Variants in ZNF431 observed in about 807,000 individuals in gnomAD.
ZNF431 encodes the protein zinc finger protein 431.
In ZNF431, 34 loss-of-function variants were observed where a neutral mutation model predicts 57.0. The observed-to-expected ratio is 0.60, with a 90% CI of 0.45 to 0.79. ZNF431 has a LOEUF of 0.79. ZNF431 is among the 30% of genes least tolerant of loss of function. The pLI is 0.00. For missense variants in ZNF431, 607 were observed against 667.1 expected (o/e 0.91, Z 0.99); for synonymous variants, 207 against 220.3 (o/e 0.94, Z 0.54).
chr19:21,142,134 G>A lies in ZNF431; in HGVS notation c.-50G>A, dbSNP rs1969955957. On this transcript the variant is annotated 5_prime_UTR_variant, in exon 1 of 5. Transcript: ENST00000311048. ...ACATCTGTGGCCCTGTGACCTGCAG[G>A]TATTGGGAGACCCACAGCTAAGACA... 1 of 1,611,070 alleles carries A rather than the reference G, an allele frequency of 6.2e-7. No homozygotes were observed. The highest frequency in any genetic ancestry group is 1.1e-5 in the South Asian group (1 of 90,864).
chr19:21,195,741 A>G lies in ZNF431; in HGVS notation c.*11707A>G, dbSNP rs971049181. ...AAAACCTGTGGCAGCTCATGGTATT[A>G]TTGACCATATGTTCTAGTGTCTTCT... On this transcript the variant is annotated 3_prime_UTR_variant, in exon 5 of 5. Transcript: ENST00000311048. 1 of 152,160 alleles carries G rather than the reference A, an allele frequency of 6.6e-6. No homozygotes were observed. Among genetic ancestry groups the G allele is most frequent in the Non-Finnish European group, 1.5e-5 (1 of 68,024 alleles). The allele number at this position is 152,160 out of a possible 1,614,324, so 9.4% of individuals were successfully genotyped here.
chr19:21,176,097 G>A (rs1191202806), intron 4 of ZNF431, among the ~76,000 whole-genome samples: 1 of 152,060 alleles, frequency 6.6e-6, no homozygotes, highest in Non-Finnish European at 1.5e-5. Context: ...GTTATTTCTT[G>A]ATTTTTTAAT....
Position 21,178,056 on chromosome 19 carries a change from T to C in ZNF431, c.320-4567T>C, listed in dbSNP as rs377635311. Among the ~76,000 whole-genome samples the C allele has an allele frequency of 3.3e-5, 5 of 152,302 alleles. No individual in the cohort carries two copies. The East Asian group carries it at 7.7e-4, about 24-fold the overall frequency. On this transcript the variant is annotated intron_variant, in intron 4 of 4. Transcript: ENST00000311048. ...TCACTTCCCTTGTTAGATTTACTCC[T>C]TGGTACTTTGTTCTCTTTGTAGCAA...
chr19:21,166,493 A>G, intron 3 of ZNF431, 32 bp downstream of exon 3: 2 of 1,561,914 alleles, frequency 1.3e-6, no homozygotes, highest in South Asian at 1.2e-5. Flanking sequence ...AATTCTTAAT[A>G]TGCCCTAAAT....
intron 2 of ZNF431, among the ~76,000 whole-genome samples, chr19:21,159,857 A>G (rs928276937): frequency 6.6e-5 from 10 of 152,026 alleles, no homozygotes; most frequent in Non-Finnish European, 1.2e-4. Context: ...TTGTTGGCCT[A>G]TTCAGGGATT....
chr19:21,192,203 C>G lies in ZNF431; in HGVS notation c.*8169C>G, dbSNP rs1971523816. The G allele has an allele frequency of 6.6e-6, 1 of 152,274 alleles. No homozygotes were observed. Among genetic ancestry groups the G allele is most frequent in the Non-Finnish European group, 1.5e-5 (1 of 68,034 alleles). 9.4% of individuals were successfully genotyped at this position (152,274 alleles called of 1,614,324 possible). On this transcript the variant is annotated 3_prime_UTR_variant, in exon 5 of 5. Transcript: ENST00000311048. Reference sequence around the variant, plus strand: ...ATTTATTTTGAGATGGAGTCTCGGTCTGTCACGCAGGCTCGAGTGCAGTGG... The same window carrying G: ...ATTTATTTTGAGATGGAGTCTCGGTGTGTCACGCAGGCTCGAGTGCAGTGG...
chr19:21,162,144 T>TTG (rs749424799), intron 2 of ZNF431, among the ~76,000 whole-genome samples: 2,519 of 66,048 alleles, frequency 0.038, 64 homozygotes, highest in African/African-American at 0.092. Flanking sequence ...ATCCAGCTAA[T>TTG]TGTGTGTGTG....
intron 2 of ZNF431, among the ~76,000 whole-genome samples, chr19:21,148,771 G>A (rs562527028): frequency 6.6e-6 from 1 of 152,232 alleles, no homozygotes; most frequent in African/African-American, 2.4e-5. Context: ...GGTAAGTAAG[G>A]AATTTTAATT....
intron 4 of ZNF431, among the ~76,000 whole-genome samples, chr19:21,175,184 G>A (rs1971016186): frequency 6.6e-6 from 1 of 152,126 alleles, no homozygotes. Context: ...TTGAGTAACT[G>A]GGTTGCAAAT....
intron 2 of ZNF431, among the ~76,000 whole-genome samples, chr19:21,161,575 A>G (rs539439877): frequency 1.1e-4 from 16 of 152,326 alleles, no homozygotes; most frequent in African/African-American, 3.4e-4. Flanking sequence ...GGAAAAACTG[A>G]ACTGGAAATA....
At chr19:21,174,346 A>G (rs1970990827) in intron 4 of ZNF431, among the ~76,000 whole-genome samples, 1 of 152,078 alleles carries the variant, frequency 6.6e-6, no homozygotes, top group South Asian at 2.1e-4. Context: ...GATCGCCACA[A>G]TTATGTTGCT....
chr19:21,169,814 C>G (rs1386633340), intron 4 of ZNF431: 1 of 398,554 alleles, frequency 2.5e-6, no homozygotes, highest in Admixed American at 4.4e-5. Context: ...AAAAACTGAT[C>G]ATGATCTGCG....
At chr19:21,173,381 C>A (rs1568309989) in intron 4 of ZNF431, among the ~76,000 whole-genome samples, 2 of 152,128 alleles carry the variant, frequency 1.3e-5, no homozygotes, top group Non-Finnish European at 2.9e-5. Flanking sequence ...ATAATGGCTG[C>A]TTCCTTCTTT....
intron 2 of ZNF431, among the ~76,000 whole-genome samples, chr19:21,160,920 A>C (rs1236934821): frequency 6.6e-6 from 1 of 152,202 alleles, no homozygotes; most frequent in Admixed American, 6.5e-5. Flanking sequence ...CTGTAATCCC[A>C]GCACTTTGGG....
rs1316424766 is a variant in ZNF431 at position 21,175,120 on chromosome 19, C to G, written c.319+7454C>G. On this transcript the variant is annotated intron_variant, in intron 4 of 4. Transcript: ENST00000311048. Reference sequence around the variant, plus strand: ...CCAGGCTGGTTTGCAGTGGCATGATCACGACTCACTGCAGCCTCAACCTCC... The same window carrying G: ...CCAGGCTGGTTTGCAGTGGCATGATGACGACTCACTGCAGCCTCAACCTCC... Among the ~76,000 whole-genome samples, 5 of 152,202 alleles carry G rather than the reference C, an allele frequency of 3.3e-5. No homozygotes were observed. In the East Asian group the frequency reaches 5.8e-4, roughly 18 times the overall value.
intron 2 of ZNF431, among the ~76,000 whole-genome samples, chr19:21,147,543 C>T (rs1970134187): frequency 6.6e-6 from 1 of 151,002 alleles, no homozygotes; most frequent in Non-Finnish European, 1.5e-5. Context: ...TATAAATCAT[C>T]TTTTGAAGAG....
intron 4 of ZNF431, among the ~76,000 whole-genome samples, chr19:21,174,626 G>A (rs1412036177): frequency 6.6e-6 from 1 of 151,990 alleles, no homozygotes; most frequent in Non-Finnish European, 1.5e-5. Flanking sequence ...GATTTTTTCA[G>A]TTCTGTTACT....
chr19:21,164,802 A>G (rs1448226269), intron 2 of ZNF431, among the ~76,000 whole-genome samples: 1 of 151,854 alleles, frequency 6.6e-6, no homozygotes, highest in Non-Finnish European at 1.5e-5. Flanking sequence ...TGTAATAGTC[A>G]AGGGTCTCTA....
chr19:21,183,549 A>G lies in ZNF431; in HGVS notation c.1246A>G (p.Thr416Ala), dbSNP rs1971275178. 4 of 1,613,556 alleles carry G rather than the reference A, an allele frequency of 2.5e-6. No individual in the cohort carries two copies. Among genetic ancestry groups the G allele is most frequent in the Non-Finnish European group, 3.4e-6 (4 of 1,179,958 alleles). ...AGCCTTTAATGAGTCCTCAAACCTT[A>G]CTACACATAAGATGATTCATACTGG... is the stretch of plus-strand genomic sequence containing the variant. Reference protein sequence around the residue: ...GKAFNESSNLTTHKMIHTGEK... With the variant: ...GKAFNESSNLATHKMIHTGEK... Residue 416 changes from threonine (T) to alanine (A), a missense_variant, in exon 5 of 5, where the codon ACT becomes GCT. Transcript: ENST00000311048.
Sources: gnomAD v4.1 joint callset for allele counts (sites outside exome capture counted in the v4.1 genomes callset) on GRCh38, gnomAD v4.1.1 for gene constraint, MANE v1.5 for transcripts, NCBI Gene and HGNC (gene_info 2026-07-23, HGNC 2026-07-21) for gene names.